EFEMP1: variants seen among roughly 807,000 people sequenced by gnomAD.
EFEMP1 encodes the protein EGF-like fibulin extracellular matrix protein 1, also known as EGF-containing fibulin-like extracellular matrix protein 1.
Under a neutral mutation model 65.7 loss-of-function variants are expected in EFEMP1, and 18 were observed. That is an observed-to-expected ratio of 0.27 (90% CI 0.19 to 0.41). EFEMP1 has a LOEUF of 0.41. EFEMP1 is among the 10% of genes least tolerant of loss of function. The probability of loss-of-function intolerance (pLI) is 1.00; values close to 1 mark genes in which losing one functional copy is unlikely to be tolerated. For synonymous variants in EFEMP1, 237 were observed against 219.7 expected (o/e 1.08, Z -0.70); for missense variants, 469 against 624.8 (o/e 0.75, Z 2.66).
chr2:55,915,545 C>T (rs971364471), intron 5 of EFEMP1, among the ~76,000 whole-genome samples: 1 of 152,054 alleles, frequency 6.6e-6, no homozygotes, highest in Non-Finnish European at 1.5e-5. Context: ...TCATTTAGTT[C>T]TGGGCATTGT....
chr2:55,881,759 A>C (rs756555615), intron 5 of EFEMP1, 25 bp from the exon 6 acceptor site: 70 of 1,613,782 alleles, frequency 4.3e-5, no homozygotes, highest in Non-Finnish European at 1.9e-5. Flanking sequence ...CAACACAGAA[A>C]GAATTGTCAG....
rs1408815167 is a variant in EFEMP1, at chr2:55,923,082, C to T, written c.-48-143G>A. The T allele has an allele frequency of 2.1e-6, 1 of 485,856 alleles. No individual in the cohort carries two copies. The highest frequency in any genetic ancestry group is 2.7e-6 in the Non-Finnish European group (1 of 371,874). The allele number at this position is 485,856 out of a possible 1,614,324, so 30.1% of individuals were successfully genotyped here. On this transcript the variant is annotated intron_variant, in intron 1 of 11. Coordinates refer to ENST00000355426, the MANE Select transcript of EFEMP1 (RefSeq NM_001039348.3). The surrounding 1 kb of genome is among the most constrained non-coding windows in gnomAD (Gnocchi z 5.3). ...TCTCAGAGCTTCTCACATCCCCCAGCACAAACTCTCAAAGTGGCATTTCCA... is the reference window on the plus strand; with the variant it reads ...TCTCAGAGCTTCTCACATCCCCCAGTACAAACTCTCAAAGTGGCATTTCCA...
intron 5 of EFEMP1, among the ~76,000 whole-genome samples, chr2:55,906,861 AATAT>A (rs1342838141): frequency 5.9e-5 from 9 of 152,220 alleles, no homozygotes; most frequent in African/African-American, 2.2e-4. Context: ...TAAGTTGTTC[AATAT>A]AAAATAGTGG....
intron 6 of EFEMP1, among the ~76,000 whole-genome samples, chr2:55,878,819 C>G (rs1321421108): frequency 6.6e-6 from 1 of 152,124 alleles, no homozygotes; most frequent in Admixed American, 6.6e-5. Flanking sequence ...TGCATTTCCT[C>G]TTCTGTGAGT....
chr2:55,915,584 C>T (rs1341092778), intron 5 of EFEMP1, among the ~76,000 whole-genome samples: 1 of 152,068 alleles, frequency 6.6e-6, no homozygotes, highest in Non-Finnish European at 1.5e-5. Context: ...ATGTCAATGA[C>T]GGTCTACAAA....
intron 5 of EFEMP1, among the ~76,000 whole-genome samples, chr2:55,904,382 G>A (rs1401070118): frequency 6.6e-6 from 1 of 152,212 alleles, no homozygotes; most frequent in East Asian, 1.9e-4. Context: ...AGTTTGTGAT[G>A]GTTAATTTTA....
chr2:55,877,800 A>G lies in EFEMP1; in HGVS notation c.706T>C (p.Tyr236His). Residue 236 changes from tyrosine to histidine, a missense_variant, in exon 7 of 12, where the codon TAT (tyrosine) becomes CAT (histidine). Tyr to His is a moderately conservative substitution (Grantham distance 83). Around this residue, in one of 3 missense-constraint regions of EFEMP1, gnomAD observed 399 missense variants for 528.2 expected, o/e 0.76. Transcript: ENST00000355426. This position sits in a 1 kb window ranked among gnomAD's most constrained non-coding sequence, Gnocchi z 4.5. Reference sequence around the variant, plus strand: ...TGAAACCCAGGACTGCACTGGCAATAAAATGAGCCTGGTGTATTCACGCAT... The same window carrying G: ...TGAAACCCAGGACTGCACTGGCAATGAAATGAGCCTGGTGTATTCACGCAT... ...QRCVNTPGSFYCQCSPGFQLA... is the reference protein window; with the variant it reads ...QRCVNTPGSFHCQCSPGFQLA... 6.2e-7 allele frequency: 1 copy of G among 1,613,296 alleles called. No homozygotes were observed. Among genetic ancestry groups the G allele is most frequent in the Non-Finnish European group, 8.5e-7 (1 of 1,179,380 alleles).
chr2:55,868,955 T>C (rs1233368090), intron 11 of EFEMP1, among the ~76,000 whole-genome samples: 1 of 152,174 alleles, frequency 6.6e-6, no homozygotes, highest in Non-Finnish European at 1.5e-5. Context: ...TTTTGAATTA[T>C]GTGATAAGAA....
At chr2:55,884,163 A>G (rs1298462009) in intron 5 of EFEMP1, among the ~76,000 whole-genome samples, 3 of 152,152 alleles carry the variant, frequency 2.0e-5, no homozygotes, top group Non-Finnish European at 4.4e-5. Context: ...TGGTTTATCT[A>G]ATGCTAAAGG....
rs773832373 is a variant in EFEMP1 at position 55,917,684 on chromosome 2, A to G, written c.498T>C (p.Ser166=). Residue 166 remains serine, a synonymous_variant, in exon 5 of 12, where the codon AGT becomes AGC. Transcript: ENST00000355426. This position sits in a 1 kb window ranked among gnomAD's most constrained non-coding sequence, Gnocchi z 6.3. ...RIQCAAGYEQ[S]EHNVCQDIDE... is the part of the protein sequence containing the mutation. ...TCCTACCTTGGCACACGTTGTGTTC[A>G]CTTTGCTCGTAGCCTGCTGCACACT... 9.3e-6 allele frequency: 15 copies of G among 1,614,194 alleles called. No homozygotes were observed. The highest frequency in any genetic ancestry group is 1.7e-5 in the Admixed American group (1 of 60,026).
intron 5 of EFEMP1, among the ~76,000 whole-genome samples, chr2:55,899,390 A>T (rs1669950352): frequency 6.6e-6 from 1 of 152,260 alleles, no homozygotes; most frequent in Non-Finnish European, 1.5e-5. Flanking sequence ...AATTGAATGC[A>T]TTGATGCATG....
At chr2:55,905,130 AG>A (rs1670203609) in intron 5 of EFEMP1, among the ~76,000 whole-genome samples, 1 of 152,008 alleles carries the variant, frequency 6.6e-6, no homozygotes, top group African/African-American at 2.4e-5. Flanking sequence ...CTATCTTCTC[AG>A]CCTATCAAGA....
chr2:55,904,843 T>C (rs576863433), intron 5 of EFEMP1, among the ~76,000 whole-genome samples: 1 of 152,152 alleles, frequency 6.6e-6, no homozygotes, highest in Non-Finnish European at 1.5e-5. Flanking sequence ...ACAGTAAATC[T>C]CTCTCCCTCT....
Position 55,873,192 on chromosome 2 carries a change from A to C in EFEMP1, c.1000+1754T>G, listed in dbSNP as rs1036414968. ...AGAAAGTTAAGAATCCAAAACTTTC[A>C]ATTTCATTTTATTCCTGTGGACAAG... On this transcript the variant is annotated intron_variant, in intron 9 of 11. Coordinates refer to ENST00000355426, the MANE Select transcript of EFEMP1 (RefSeq NM_001039348.3). The surrounding 1 kb of genome is among the most constrained non-coding windows in gnomAD (Gnocchi z 4.6). 6.6e-6 allele frequency among the ~76,000 whole-genome samples: 1 copy of C among 151,964 alleles called. No individual in the cohort carries two copies. Among genetic ancestry groups the C allele is most frequent in the African/African-American group, 2.4e-5 (1 of 41,418 alleles).
chr2:55,887,964 C>T (rs564633171), intron 5 of EFEMP1, among the ~76,000 whole-genome samples: 10 of 152,290 alleles, frequency 6.6e-5, no homozygotes, highest in East Asian at 3.9e-4. Context: ...ACCCCCCTCA[C>T]GTAGCTTCCT....
At position 55,893,329 on chromosome 2, in the gene EFEMP1, G is replaced by C. The variant is rs557256940; in HGVS notation, c.518-11595C>G. Among the ~76,000 whole-genome samples, 64 of 152,230 alleles carry C rather than the reference G, an allele frequency of 4.2e-4. 1 individual carries two copies. The highest frequency in any genetic ancestry group is 1.1e-3 in the African/African-American group (44 of 41,536). ...ATATAATTTATTATACCAAGAATTA[G>C]GAGTTCAGGGGAGGACTTGTTGATC... On this transcript the variant is annotated intron_variant, in intron 5 of 11. Coordinates refer to ENST00000355426, the MANE Select transcript of EFEMP1 (RefSeq NM_001039348.3).
rs772614833 is a variant in EFEMP1, at chr2:55,881,750, AAC to A, written c.518-18_518-17del. On this transcript the variant is annotated splice_polypyrimidine_tract_variant and intron_variant, in intron 5 of 11. Transcript: ENST00000355426. ...TCGTCTATGTCTGTCAGAGACATGC[AAC>A]ACAGAAAGAATTGTCAGTTGTGAAG... is the stretch of plus-strand genomic sequence containing the variant. The A allele has an allele frequency of 6.2e-6, 10 of 1,613,794 alleles. No homozygotes were observed. Among genetic ancestry groups the A allele is most frequent in the Non-Finnish European group, 5.9e-6 (7 of 1,179,862 alleles).
At chr2:55,901,748 C>T (rs1670042864) in intron 5 of EFEMP1, among the ~76,000 whole-genome samples, 1 of 152,162 alleles carries the variant, frequency 6.6e-6, no homozygotes. Flanking sequence ...GGCATTCACA[C>T]CAGGGGCTTG....
intron 8 of EFEMP1, among the ~76,000 whole-genome samples, chr2:55,875,335 T>TACACACACACACACACACACAC (rs768780443): frequency 1.6e-5 from 2 of 125,392 alleles, no homozygotes; most frequent in South Asian, 2.5e-4. Context: ...GTTTCATATA[T>TACACACACACACACACACACAC]ACACACACAC....
Sources: allele counts gnomAD v4.1 joint callset (sites outside exome capture counted in the v4.1 genomes callset), GRCh38; gene constraint gnomAD v4.1.1; regional missense constraint gnomAD v4.1.1; non-coding constraint Gnocchi (gnomAD v3.1); transcripts MANE v1.5; gene names NCBI Gene and HGNC (gene_info 2026-07-23, HGNC 2026-07-21).